The following HGF variants were observed in gnomAD, a reference collection of about 807,000 sequenced individuals.
HGF encodes the protein hepatocyte growth factor.
HGF carries 39 observed loss-of-function variants against 111.6 expected under a neutral mutation model. The observed-to-expected ratio is 0.35, with a 90% CI of 0.27 to 0.46. The LOEUF (loss-of-function observed/expected upper bound fraction) is 0.46. HGF is among the 20% of genes least tolerant of loss of function. The pLI, the probability that HGF is intolerant of heterozygous loss-of-function variation, is 1.00. For missense variants in HGF, 735 were observed against 910.5 expected (o/e 0.81, Z 2.48); for synonymous variants, 285 against 294.8 (o/e 0.97, Z 0.34).
At chr7:81,762,974 T>C (rs1163598773) in intron 1 of HGF, 102 bp from the exon 2 acceptor site, 1 of 718,128 alleles carries the variant, frequency 1.4e-6, no homozygotes, top group East Asian at 2.7e-5. Flanking sequence ...AAAGTGATTT[T>C]ACTTGACAAT....
chr7:81,764,457 T>C (rs147643018), intron 1 of HGF, among the ~76,000 whole-genome samples: 1,621 of 152,214 alleles, frequency 0.011, 13 homozygotes, highest in South Asian at 0.046. Context: ...CATTTTAACA[T>C]GAAAATGAAA....
intron 11 of HGF, among the ~76,000 whole-genome samples, chr7:81,713,608 G>A (rs2115819274): frequency 6.6e-6 from 1 of 151,862 alleles, no homozygotes; most frequent in East Asian, 1.9e-4. Context: ...TATATGTTTT[G>A]CTTTCTCTAA....
intron 9 of HGF, 134 bp from the exon 10 acceptor site, chr7:81,720,981 C>T (rs969425467): frequency 7.8e-6 from 5 of 645,028 alleles, no homozygotes; most frequent in South Asian, 3.3e-5. Context: ...TGCGGTGGCT[C>T]ACGCCTGTAA....
intron 7 of HGF, among the ~76,000 whole-genome samples, chr7:81,732,748 G>A (rs961919733): frequency 1.3e-5 from 2 of 152,128 alleles, no homozygotes; most frequent in African/African-American, 4.8e-5. Flanking sequence ...GAAATATTAA[G>A]AGGAATGATA....
intron 7 of HGF, chr7:81,742,979 G>C: frequency 6.2e-7 from 1 of 1,606,434 alleles, no homozygotes; most frequent in Non-Finnish European, 8.5e-7. Context: ...AAAGGATACA[G>C]GATTGGAAGG....
chr7:81,728,133 T>C (rs929826039), intron 8 of HGF, among the ~76,000 whole-genome samples: 1 of 152,180 alleles, frequency 6.6e-6, no homozygotes, highest in African/African-American at 2.4e-5. Flanking sequence ...GGATCACAAA[T>C]AGTAAATGGT....
At chr7:81,728,068 T>G in intron 8 of HGF, among the ~76,000 whole-genome samples, 1 of 152,208 alleles carries the variant, frequency 6.6e-6, no homozygotes, top group East Asian at 1.9e-4. Context: ...GGGCAAGTAA[T>G]ATTTCATGTT....
intron 5 of HGF, chr7:81,751,285 T>C (rs918577028): frequency 1.3e-5 from 13 of 984,854 alleles, no homozygotes; most frequent in Middle Eastern, 1.0e-3. Context: ...TTCATCCATG[T>C]TTCACTTAGA....
intron 7 of HGF, among the ~76,000 whole-genome samples, chr7:81,730,610 T>C (rs1251817532): frequency 1.4e-5 from 2 of 145,820 alleles, no homozygotes; most frequent in African/African-American, 5.1e-5. Context: ...CTATACGTCA[T>C]GAAGATTTGA....
intron 8 of HGF, 145 bp from the exon 9 acceptor site, chr7:81,726,162 T>A: frequency 1.3e-6 from 1 of 772,014 alleles, no homozygotes; most frequent in Non-Finnish European, 2.2e-6. Context: ...TATAACAATT[T>A]AATATTCAGT....
chr7:81,744,932 C>T, intron 6 of HGF, 68 bp downstream of exon 6: 1 of 1,504,390 alleles, frequency 6.6e-7, no homozygotes, highest in Non-Finnish European at 9.2e-7. Context: ...ATTTCCACAG[C>T]AGTGTGTCAT....
At chr7:81,749,637 C>T (rs1388473115) in intron 5 of HGF, among the ~76,000 whole-genome samples, 1 of 151,960 alleles carries the variant, frequency 6.6e-6, no homozygotes, top group Admixed American at 6.6e-5. Flanking sequence ...ATATTATTAT[C>T]TATAGTCACC....
At chr7:81,749,385 C>T (rs570533235) in intron 5 of HGF, among the ~76,000 whole-genome samples, 1 of 152,104 alleles carries the variant, frequency 6.6e-6, no homozygotes, top group South Asian at 2.1e-4. Context: ...TTTTGCATAC[C>T]TCAACTTTCT....
rs1788091333 is a variant in HGF, at chr7:81,743,444, A to G, written c.774T>C (p.Asn258=). 1 of 1,613,128 alleles carries G rather than the reference A, an allele frequency of 6.2e-7. No individual in the cohort carries two copies. The highest frequency in any genetic ancestry group is 8.5e-7 in the Non-Finnish European group (1 of 1,179,200). Residue 258 remains asparagine, a synonymous_variant, in exon 7 of 18, where the codon AAT becomes AAC. Transcript: ENST00000222390. Reference sequence around the variant, plus strand: ...GCTGGCCATCGGGATTGCGGCAATAATTATCATCAAAGCCCTTGTCGGGAT... The same window carrying G: ...GCTGGCCATCGGGATTGCGGCAATAGTTATCATCAAAGCCCTTGTCGGGAT... The part of the protein sequence containing the change: ...ERYPDKGFDD[N]YCRNPDGQPR...
At position 81,752,281 on chromosome 7, in the gene HGF, T is replaced by C; in HGVS notation, c.483-19A>G. ...CAAAAAGCTAGTTTTAAAATGATAA[T>C]CATTACAGTATAAGAGCATGCAACT... is the stretch of plus-strand genomic sequence containing the variant. On this transcript the variant is annotated intron_variant, in intron 4 of 17. Coordinates refer to ENST00000222390, the MANE Select transcript of HGF (RefSeq NM_000601.6). The C allele has an allele frequency of 3.7e-6, 6 of 1,611,656 alleles. No homozygotes were observed. The highest frequency in any genetic ancestry group is 5.1e-6 in the Non-Finnish European group (6 of 1,177,876).
In HGF at chr7:81,702,684, C is replaced by G. The variant is rs543827901; in HGVS notation, c.2084G>C (p.Arg695Pro). ...AGGACGATTTGGAATGGCACATCCA[C>G]GACCAGGAACAATGACACCAAGAAC... is the stretch of plus-strand genomic sequence containing the variant. ...RMVLGVIVPG[R>P]GCAIPNRPGI... is the part of the protein sequence containing the mutation. Residue 695 changes from arginine to proline, a missense_variant, in exon 18 of 18, where the codon CGT becomes CCT. Arg to Pro is a moderately radical substitution (Grantham distance 103, BLOSUM62 -2). This residue lies in a region of HGF where 52 missense variants were observed against 95.0 expected (regional missense o/e 0.55). Transcript: ENST00000222390. 1 of 1,611,556 alleles carries G rather than the reference C, an allele frequency of 6.2e-7. No homozygotes were observed. Among genetic ancestry groups the G allele is most frequent in the Non-Finnish European group, 8.5e-7 (1 of 1,178,302 alleles).
chr7:81,731,220 A>G (rs1213763407), intron 7 of HGF, among the ~76,000 whole-genome samples: 1 of 152,216 alleles, frequency 6.6e-6, no homozygotes, highest in East Asian at 1.9e-4. Context: ...AATTACTGAA[A>G]TAAGTTGTAC....
chr7:81,745,969 T>TA (rs1258912448), intron 5 of HGF, among the ~76,000 whole-genome samples: 2 of 152,242 alleles, frequency 1.3e-5, no homozygotes, highest in Non-Finnish European at 2.9e-5. Flanking sequence ...TCCTGTGGAA[T>TA]AAATCATTGC....
chr7:81,748,163 T>C (rs1788352725), intron 5 of HGF, among the ~76,000 whole-genome samples: 1 of 152,164 alleles, frequency 6.6e-6, no homozygotes, highest in Non-Finnish European at 1.5e-5. Flanking sequence ...TTAACTTATT[T>C]CCTACATATT....
Sources: gnomAD v4.1 joint callset for allele counts (sites outside exome capture counted in the v4.1 genomes callset) on GRCh38, gnomAD v4.1.1 for gene constraint, gnomAD v4.1.1 regional missense constraint, MANE v1.5 for transcripts, NCBI Gene and HGNC (gene_info 2026-07-23, HGNC 2026-07-21) for gene names.